The following BCAS3 variants were observed in gnomAD, a reference collection of about 807,000 sequenced individuals.
The protein encoded by BCAS3 is BCAS3 microtubule associated cell migration factor, also known as BCAS4/BCAS3 fusion.
Under a neutral mutation model 116.1 loss-of-function variants are expected in BCAS3, and 53 were observed. The ratio of observed to expected loss-of-function variants is 0.46; its 90% CI spans 0.37 to 0.57. The LOEUF (loss-of-function observed/expected upper bound fraction) is 0.57, where lower values mean the gene tolerates loss of function less well. Among genes scored for constraint, BCAS3 ranks in the 20% least tolerant of loss-of-function variants. The pLI is 0.00. For synonymous variants in BCAS3, 391 were observed against 408.2 expected (o/e 0.96, Z 0.51); for missense variants, 917 against 1,165.4 (o/e 0.79, Z 3.10).
chr17:61,030,204 G>A (rs1018088359), intron 16 of BCAS3, among the ~76,000 whole-genome samples: 1 of 152,120 alleles, frequency 6.6e-6, no homozygotes, highest in Admixed American at 6.6e-5. Flanking sequence ...TTTTAAAAAT[G>A]AAAAGAAACG....
intron 7 of BCAS3, among the ~76,000 whole-genome samples, chr17:60,830,821 A>G (rs2050849710): frequency 6.6e-6 from 1 of 151,212 alleles, no homozygotes; most frequent in Non-Finnish European, 1.5e-5. Context: ...AACTACTATA[A>G]TATTCTAGAG....
intron 6 of BCAS3, among the ~76,000 whole-genome samples, chr17:60,762,715 G>GT (rs1382877519): frequency 6.6e-6 from 1 of 152,272 alleles, no homozygotes; most frequent in Admixed American, 6.5e-5. Context: ...CTTTAAAGTA[G>GT]TTTTTTCCAA....
At chr17:60,828,123 C>G (rs2144711549) in intron 7 of BCAS3, among the ~76,000 whole-genome samples, 1 of 151,800 alleles carries the variant, frequency 6.6e-6, no homozygotes, top group Admixed American at 6.6e-5. Context: ...AAATGTTGGT[C>G]CAGTCAACTT....
At chr17:61,231,869 C>CAAAAA (rs72247548) in intron 22 of BCAS3, among the ~76,000 whole-genome samples, 1 of 100,386 alleles carries the variant, frequency 1.0e-5, no homozygotes, top group African/African-American at 4.4e-5. Flanking sequence ...GACCCTGTCT[C>CAAAAA]AAAAAAAAAA....
At chr17:60,929,898 C>T (rs2059558057) in intron 13 of BCAS3, among the ~76,000 whole-genome samples, 1 of 150,624 alleles carries the variant, frequency 6.6e-6, no homozygotes, top group Non-Finnish European at 1.5e-5. Flanking sequence ...AGGACATGAA[C>T]TCATCATTTT....
chr17:61,289,287 G>A (rs729948), intron 22 of BCAS3, among the ~76,000 whole-genome samples: 4,006 of 152,278 alleles, frequency 0.026, 171 homozygotes, highest in African/African-American at 0.09. Context: ...ATGGAAAGGG[G>A]TCTCTCTTCT....
In BCAS3 at chr17:61,300,970, G is replaced by A. The variant is rs1484283551; in HGVS notation, c.2426-67357G>A. On this transcript the variant is annotated intron_variant, in intron 22 of 23. Transcript: ENST00000407086. This position sits in a 1 kb window ranked among gnomAD's most constrained non-coding sequence, Gnocchi z 5.1. Reference sequence around the variant, plus strand: ...GAATATTTTTAAATAAATAAAGTGTGTAGGAACATAATTACCAAAATATTT... The same window carrying A: ...GAATATTTTTAAATAAATAAAGTGTATAGGAACATAATTACCAAAATATTT... 6.6e-6 allele frequency among the ~76,000 whole-genome samples: 1 copy of A among 152,194 alleles called. No homozygotes were observed. The highest frequency in any genetic ancestry group is 1.5e-5 in the Non-Finnish European group (1 of 68,044).
intron 2 of BCAS3, among the ~76,000 whole-genome samples, chr17:60,680,509 C>T (rs73332344): frequency 0.048 from 7,282 of 152,176 alleles, 616 homozygotes; most frequent in African/African-American, 0.17. Context: ...ATCTCTTAGT[C>T]TAGGTCTCTG....
intron 22 of BCAS3, among the ~76,000 whole-genome samples, chr17:61,129,418 G>C (rs535279723): frequency 2.0e-5 from 3 of 152,320 alleles, no homozygotes; most frequent in East Asian, 3.9e-4. Context: ...CAGAAGAGCT[G>C]TCTTCTAAGG....
intron 13 of BCAS3, among the ~76,000 whole-genome samples, chr17:60,931,004 A>G (rs749745707): frequency 1.3e-5 from 2 of 152,220 alleles, no homozygotes; most frequent in African/African-American, 2.4e-5. Context: ...AAGTGATGCT[A>G]TTAAATAGAT....
At position 61,285,259 on chromosome 17, in the gene BCAS3, T is replaced by TGTGTGTGTGTGTGTGTGTG. The variant is rs1555807771; in HGVS notation, c.2426-83068_2426-83067insGTGTGTGTGTGTGTGTGTG. Among the ~76,000 whole-genome samples, 61 of 129,086 alleles carry TGTGTGTGTGTGTGTGTGTG rather than the reference T, an allele frequency of 4.7e-4. No homozygotes were observed. Among genetic ancestry groups the TGTGTGTGTGTGTGTGTGTG allele is most frequent in the African/African-American group, 2.0e-3 (59 of 28,854 alleles). 84.7% of individuals were successfully genotyped at this position (129,086 alleles called of 152,430 possible). ...TGTGTGTGTGTGTGTGTGTGTGTGT[T>TGTGTGTGTGTGTGTGTGTG]TCTTGCTAAAATGCAGCAAAGGAAG... is the stretch of plus-strand genomic sequence containing the variant. On this transcript the variant is annotated intron_variant, in intron 22 of 23. Transcript: ENST00000407086. The surrounding 1 kb of genome is among the most constrained non-coding windows in gnomAD (Gnocchi z 5.4).
rs541385411 is a variant in BCAS3, at chr17:60,964,371, C to T, written c.1221+17019C>T. Among the ~76,000 whole-genome samples, 3 of 152,160 alleles carry T rather than the reference C, an allele frequency of 2.0e-5. No individual in the cohort carries two copies. The highest frequency in any genetic ancestry group is 2.1e-4 in the South Asian group (1 of 4,816). ...TGCTTATGTTGAACCATCCTTGCAT[C>T]CCTGGAATGAATCCCATTTGATATT... On this transcript the variant is annotated intron_variant, in intron 14 of 23. Transcript: ENST00000407086. The surrounding 1 kb of genome is among the most constrained non-coding windows in gnomAD (Gnocchi z 4.6).
rs191446863 is a variant in BCAS3 at position 61,063,274 on chromosome 17, T to G, written c.2030-11646T>G. ...ACAGTTTTTTGTTTTTTTGTTGTTT[T>G]GGTTTTTTTTTTTGAGGCAGAGTCT... On this transcript the variant is annotated intron_variant, in intron 19 of 23. Transcript: ENST00000407086. The surrounding 1 kb of genome is among the most constrained non-coding windows in gnomAD (Gnocchi z 5.3). Among the ~76,000 whole-genome samples, 398 of 151,486 alleles carry G rather than the reference T, an allele frequency of 2.6e-3. 3 individuals carry two copies. Among genetic ancestry groups the G allele is most frequent in the African/African-American group, 9.4e-3 (384 of 41,022 alleles).
chr17:60,728,700 G>A (rs1016474860), intron 5 of BCAS3, among the ~76,000 whole-genome samples: 31 of 151,958 alleles, frequency 2.0e-4, no homozygotes, highest in African/African-American at 7.5e-4. Flanking sequence ...GGCTGGTCTC[G>A]GACTCCTGAC....
rs2059398974 is a variant in BCAS3, at chr17:61,377,618, G to A, written c.2593+9124G>A. On this transcript the variant is annotated intron_variant, in intron 23 of 23. Transcript: ENST00000407086. This position sits in a 1 kb window ranked among gnomAD's most constrained non-coding sequence, Gnocchi z 4.6. ...TTCCTCTGTGACACAGTGTGGGGAG[G>A]AGGAGCTAGTAAATGTAGTAATCGT... Among the ~76,000 whole-genome samples, 2 of 152,184 alleles carry A rather than the reference G, an allele frequency of 1.3e-5. 1 individual carries two copies. Among genetic ancestry groups the A allele is most frequent in the Admixed American group, 1.3e-4 (2 of 15,282 alleles).
intron 16 of BCAS3, among the ~76,000 whole-genome samples, chr17:61,030,097 A>G (rs1383752804): frequency 6.6e-6 from 1 of 152,240 alleles, no homozygotes; most frequent in South Asian, 2.1e-4. Context: ...AATATAAAGA[A>G]TATTTTTTCT....
chr17:61,290,690 A>C lies in BCAS3; in HGVS notation c.2426-77637A>C, dbSNP rs575450424. 4.9e-4 allele frequency among the ~76,000 whole-genome samples: 74 copies of C among 152,278 alleles called. 1 individual carries two copies. In the South Asian group the frequency reaches 0.015, roughly 32 times the overall value. On this transcript the variant is annotated intron_variant, in intron 22 of 23. Transcript: ENST00000407086. ...AGTCAAATGCCCATTACTTCAACAGAATTGTTCCAGGAAGGTAGGATTCCA... is the reference window on the plus strand; with the variant it reads ...AGTCAAATGCCCATTACTTCAACAGCATTGTTCCAGGAAGGTAGGATTCCA...
In BCAS3 at chr17:60,938,727, TA is replaced by T. The variant is rs2060072047; in HGVS notation, c.1088-8491del. On this transcript the variant is annotated intron_variant, in intron 13 of 23. Coordinates refer to ENST00000407086, the MANE Select transcript of BCAS3 (RefSeq NM_017679.5). ...TTCTGATAGAAGATAGATAGATAGA[TA>T]GATAGATAGATAGATAGATAGATAG... 2.6e-5 allele frequency among the ~76,000 whole-genome samples: 4 copies of T among 151,592 alleles called. No individual in the cohort carries two copies. The South Asian group carries it at 8.3e-4, about 32-fold the overall frequency.
rs1239706884 is a variant in BCAS3 at position 61,122,794 on chromosome 17, C to A, written c.2425+38230C>A. On this transcript the variant is annotated intron_variant, in intron 22 of 23. Transcript: ENST00000407086. The surrounding 1 kb of genome is among the most constrained non-coding windows in gnomAD (Gnocchi z 4.6). Reference sequence around the variant, plus strand: ...GTATATATGATGTTCATATATTTAGCATCTGTTGTCAATACAGCAATGTAA... The same window carrying A: ...GTATATATGATGTTCATATATTTAGAATCTGTTGTCAATACAGCAATGTAA... Among the ~76,000 whole-genome samples, 1 of 152,128 alleles carries A rather than the reference C, an allele frequency of 6.6e-6. No individual in the cohort carries two copies. The highest frequency in any genetic ancestry group is 1.5e-5 in the Non-Finnish European group (1 of 68,036).
Sources: allele counts gnomAD v4.1 joint callset (sites outside exome capture counted in the v4.1 genomes callset), GRCh38; gene constraint gnomAD v4.1.1; non-coding constraint Gnocchi (gnomAD v3.1); transcripts MANE v1.5; gene names NCBI Gene and HGNC (gene_info 2026-07-23, HGNC 2026-07-21).